Variants in SGSM1 observed in about 807,000 individuals in gnomAD.
SGSM1 encodes the protein RUN and TBC1 domain containing 2.
Under a neutral mutation model 133.8 loss-of-function variants are expected in SGSM1, and 73 were observed. The observed-to-expected ratio is 0.55, with a 90% CI of 0.45 to 0.66. SGSM1 has a LOEUF of 0.66. SGSM1 is among the 30% of genes least tolerant of loss of function. The pLI is 0.00. For synonymous variants in SGSM1, 563 were observed against 573.0 expected (o/e 0.98, Z 0.25); for missense variants, 1,213 against 1,448.1 (o/e 0.84, Z 2.64).
intron 2 of SGSM1, among the ~76,000 whole-genome samples, chr22:24,825,109 A>G (rs1177261251): frequency 6.6e-6 from 1 of 152,186 alleles, no homozygotes; most frequent in Non-Finnish European, 1.5e-5. Flanking sequence ...AGGAGGTGAC[A>G]CCTTGGCTGA....
intron 3 of SGSM1, among the ~76,000 whole-genome samples, chr22:24,847,155 G>A (rs1016237691): frequency 2.6e-5 from 4 of 152,022 alleles, no homozygotes; most frequent in Non-Finnish European, 5.9e-5. Context: ...GAGCCACTGC[G>A]CCTGGCCCGA....
At chr22:24,827,030 G>C (rs1489716180) in intron 2 of SGSM1, among the ~76,000 whole-genome samples, 1 of 152,158 alleles carries the variant, frequency 6.6e-6, no homozygotes, top group African/African-American at 2.4e-5. Context: ...GCTGGGTCCT[G>C]TTTGAGGCTC....
intron 12 of SGSM1, among the ~76,000 whole-genome samples, chr22:24,869,596 C>T (rs114050913): frequency 0.012 from 1,752 of 152,274 alleles, 16 homozygotes; most frequent in African/African-American, 0.04. Context: ...AATGTTGCTG[C>T]TGTTGTTAAT....
At chr22:24,829,997 C>G (rs1330107244) in intron 2 of SGSM1, among the ~76,000 whole-genome samples, 1 of 152,178 alleles carries the variant, frequency 6.6e-6, no homozygotes. Flanking sequence ...CCTTCCAGGG[C>G]TGCCTGGCCC....
chr22:24,855,145 C>A (rs1234011045), intron 6 of SGSM1, 82 bp downstream of exon 6: 7 of 1,555,694 alleles, frequency 4.5e-6, no homozygotes, highest in Non-Finnish European at 6.1e-6. Context: ...TCTCTCACCC[C>A]TGTCCAGCCT....
chr22:24,812,892 G>A (rs930338879), intron 2 of SGSM1, among the ~76,000 whole-genome samples: 6 of 152,194 alleles, frequency 3.9e-5, no homozygotes, highest in Admixed American at 6.5e-5. Context: ...AGTGAGTAAA[G>A]CAATGTCTTT....
intron 2 of SGSM1, chr22:24,813,595 G>T (rs993070120): frequency 3.9e-5 from 6 of 152,168 alleles, no homozygotes; most frequent in Non-Finnish European, 8.8e-5. Context: ...TGCGTGTGTC[G>T]TGTTTGCTGG....
intron 2 of SGSM1, among the ~76,000 whole-genome samples, chr22:24,830,857 G>A (rs1330257478): frequency 6.6e-6 from 1 of 152,116 alleles, no homozygotes; most frequent in Admixed American, 6.5e-5. Context: ...CCATGAGTGA[G>A]CAGCTCTCCT....
chr22:24,893,415 G>T lies in SGSM1; in HGVS notation c.1771-16G>T. 1 of 1,612,574 alleles carries T rather than the reference G, an allele frequency of 6.2e-7. No individual in the cohort carries two copies. The highest frequency in any genetic ancestry group is 8.5e-7 in the Non-Finnish European group (1 of 1,179,282). Reference sequence around the variant, plus strand: ...CTTTGTTGACACCTCGGGTGACATTGCATCTGCCCTGGCAGGTGGACGAGC... The same window carrying T: ...CTTTGTTGACACCTCGGGTGACATTTCATCTGCCCTGGCAGGTGGACGAGC... On this transcript the variant is annotated splice_polypyrimidine_tract_variant and intron_variant, in intron 16 of 24. Coordinates refer to ENST00000400358, the MANE Select transcript of SGSM1 (RefSeq NM_001098497.3).
intron 24 of SGSM1, among the ~76,000 whole-genome samples, chr22:24,920,820 G>C (rs902777725): frequency 2.0e-5 from 3 of 152,300 alleles, no homozygotes; most frequent in South Asian, 2.1e-4. Context: ...AGATTTAGAT[G>C]TACAGAGAAT....
chr22:24,922,511 T>C (rs1296337993), intron 24 of SGSM1, among the ~76,000 whole-genome samples: 3 of 145,836 alleles, frequency 2.1e-5, no homozygotes. Flanking sequence ...AGTCTTGCTC[T>C]GTCACCCAGG....
chr22:24,834,737 T>TTGTA (rs936626331), intron 2 of SGSM1, among the ~76,000 whole-genome samples: 7 of 149,114 alleles, frequency 4.7e-5, no homozygotes, highest in African/African-American at 1.7e-4. Flanking sequence ...GATCTTCACT[T>TTGTA]TGTATATACG....
At chr22:24,842,018 C>G (rs1402599679) in intron 2 of SGSM1, among the ~76,000 whole-genome samples, 2 of 152,190 alleles carry the variant, frequency 1.3e-5, no homozygotes, top group Admixed American at 1.3e-4. Flanking sequence ...TCCCCCACCC[C>G]CAATGTCTCC....
Position 24,868,475 on chromosome 22 carries a change from G to A in SGSM1, c.1094G>A (p.Cys365Tyr). The A allele has an allele frequency of 1.2e-6, 2 of 1,613,844 alleles. No individual in the cohort carries two copies. The highest frequency in any genetic ancestry group is 1.7e-6 in the Non-Finnish European group (2 of 1,179,870). Residue 365 changes from cysteine to tyrosine, a missense_variant, in exon 11 of 25, where the codon TGC becomes TAC. Physicochemically the swap from Cys to Tyr is radical, Grantham distance 194. Coordinates refer to ENST00000400358, the MANE Select transcript of SGSM1 (RefSeq NM_001098497.3). ...KGGHLLQFLSCLENGLLPHGQ... is the reference protein window; with the variant it reads ...KGGHLLQFLSYLENGLLPHGQ... Reference sequence around the variant, plus strand: ...GGGCACCTCCTGCAGTTCCTCTCGTGCCTGGAGAATGGGCTGCTCCCACAT... The same window carrying A: ...GGGCACCTCCTGCAGTTCCTCTCGTACCTGGAGAATGGGCTGCTCCCACAT...
At chr22:24,853,145 C>T (rs1411274662) in intron 5 of SGSM1, among the ~76,000 whole-genome samples, 1 of 152,216 alleles carries the variant, frequency 6.6e-6, no homozygotes, top group East Asian at 1.9e-4. Flanking sequence ...AGGGGTGTCA[C>T]TTGCCCAGTG....
intron 2 of SGSM1, among the ~76,000 whole-genome samples, chr22:24,819,156 A>AC (rs966137036): frequency 1.6e-4 from 24 of 151,824 alleles, no homozygotes; most frequent in African/African-American, 5.8e-4. Flanking sequence ...AAAAAAAAAA[A>AC]AACAATAATC....
intron 21 of SGSM1, among the ~76,000 whole-genome samples, chr22:24,907,537 T>C (rs1933436583): frequency 6.6e-6 from 1 of 151,946 alleles, no homozygotes; most frequent in Admixed American, 6.6e-5. Context: ...TTGTTGTTTT[T>C]TTTGGTTTTT....
At chr22:24,923,930 CT>C (rs2123757291) in intron 24 of SGSM1, among the ~76,000 whole-genome samples, 1 of 152,250 alleles carries the variant, frequency 6.6e-6, no homozygotes, top group Non-Finnish European at 1.5e-5. Context: ...CCGACCTCAC[CT>C]TTTTATGGCA....
chr22:24,867,280 G>T (rs1338612932), intron 10 of SGSM1, 120 bp downstream of exon 10: 3 of 945,172 alleles, frequency 3.2e-6, no homozygotes, highest in Non-Finnish European at 5.0e-6. Context: ...CATGTTACCT[G>T]TGCAACCTTA....
Sources: allele counts gnomAD v4.1 joint callset (sites outside exome capture counted in the v4.1 genomes callset), GRCh38; gene constraint gnomAD v4.1.1; transcripts MANE v1.5; gene names NCBI Gene and HGNC (gene_info 2026-07-23, HGNC 2026-07-21).